The following PLAC1 variants were observed in gnomAD, a reference collection of about 807,000 sequenced individuals.
PLAC1 encodes the protein placenta associated 1, also known as placenta-specific protein 1.
For missense variants in PLAC1, 136 were observed against 163.2 expected (o/e 0.83, Z 0.91); for synonymous variants, 68 against 62.1 (o/e 1.09, Z -0.44).
At chrX:134,656,144 G>A (rs905411880) in intron 1 of PLAC1, among the ~76,000 whole-genome samples, 1 of 111,747 alleles carries the variant, frequency 8.9e-6, no homozygotes, top group Non-Finnish European at 1.9e-5. Context: ...CCTTTTCTAC[G>A]TCACTCCTAT....
Position 134,622,107 on chromosome X carries a change from C to T in PLAC1, c.-130-19985G>A, listed in dbSNP as rs191678470. 1.4e-3 allele frequency among the ~76,000 whole-genome samples: 160 copies of T among 112,189 alleles called. 1 individual carries two copies. Among genetic ancestry groups the T allele is most frequent in the African/African-American group, 4.9e-3 (150 of 30,862 alleles). ...CTCCAGTCAGGGAAGGCATCTGCTC[C>T]GCTTGGCTTTGGGCTGTATCAGTTG... On this transcript the variant is annotated intron_variant, in intron 1 of 2. Coordinates refer to ENST00000359237, the MANE Select transcript of PLAC1 (RefSeq NM_021796.4).
chrX:134,592,973 C>T (rs971015626), intron 2 of PLAC1, among the ~76,000 whole-genome samples: 31 of 110,426 alleles, frequency 2.8e-4, no homozygotes, highest in Non-Finnish European at 4.7e-4. Flanking sequence ...GTGATCCGCC[C>T]GCCTCAGCCT....
intron 1 of PLAC1, among the ~76,000 whole-genome samples, chrX:134,752,900 G>A (rs749838548): frequency 4.5e-5 from 5 of 111,617 alleles, no homozygotes; most frequent in African/African-American, 6.5e-5. Context: ...GGGCATTCAT[G>A]TATATATGAG....
At chrX:134,669,464 A>T (rs1313882823) in intron 2 of PLAC1, among the ~76,000 whole-genome samples, 2 of 112,285 alleles carry the variant, frequency 1.8e-5, no homozygotes, top group Non-Finnish European at 3.8e-5. Flanking sequence ...TAAGCTGGAG[A>T]TGGGTGTGAG....
At chrX:134,651,318 A>C (rs1449722894) in intron 1 of PLAC1, 1 of 188,609 alleles carries the variant, frequency 5.3e-6, no homozygotes, top group Non-Finnish European at 1.0e-5. Flanking sequence ...GCACAGCAGA[A>C]CAATGTGGCA....
intron 1 of PLAC1, among the ~76,000 whole-genome samples, chrX:134,608,241 A>T (rs1405901424): frequency 8.9e-6 from 1 of 112,089 alleles, no homozygotes; most frequent in Admixed American, 9.5e-5. Context: ...AATGTTTAGC[A>T]GCACTATTGA....
chrX:134,569,937 T>G (rs780833844), intron 2 of PLAC1, among the ~76,000 whole-genome samples: 1 of 110,750 alleles, frequency 9.0e-6, no homozygotes, highest in African/African-American at 3.3e-5. Context: ...GCGATTCTTC[T>G]GCCTCAGCCT....
chrX:134,597,731 G>A (rs1471841378), intron 2 of PLAC1, among the ~76,000 whole-genome samples: 2 of 111,957 alleles, frequency 1.8e-5, no homozygotes, highest in African/African-American at 6.5e-5. Flanking sequence ...TTGGAGGTGA[G>A]GGTTGCAGTT....
intron 1 of PLAC1, among the ~76,000 whole-genome samples, chrX:134,633,142 T>C (rs761052265): frequency 6.3e-5 from 7 of 111,654 alleles, no homozygotes; most frequent in African/African-American, 2.3e-4. Context: ...CCCCGTCTTG[T>C]CTCCCCCTAG....
chrX:134,578,515 C>CTTTT (rs766626696), intron 2 of PLAC1, among the ~76,000 whole-genome samples: 23 of 55,950 alleles, frequency 4.1e-4, no homozygotes, highest in East Asian at 1.5e-3. Flanking sequence ...TTCTTTCTTT[C>CTTTT]TTTTTTTTTT....
intron 1 of PLAC1, among the ~76,000 whole-genome samples, chrX:134,758,297 AC>A (rs1472913258): frequency 4.5e-5 from 5 of 111,744 alleles, no homozygotes; most frequent in African/African-American, 1.6e-4. Flanking sequence ...ATTAGAAAAA[AC>A]AATCCTAAAA....
chrX:134,604,974 G>A lies in PLAC1; in HGVS notation c.-130-2852C>T, dbSNP rs193037225. 3.6e-5 allele frequency among the ~76,000 whole-genome samples: 4 copies of A among 111,400 alleles called. No homozygotes were observed. In the Admixed American group the frequency reaches 3.8e-4, roughly 11 times the overall value. Reference sequence around the variant, plus strand: ...CTGATAGTCAGAGCAGGCATTTTCAGGCAGCACCCCCACCCCTGCACCCCC... The same window carrying A: ...CTGATAGTCAGAGCAGGCATTTTCAAGCAGCACCCCCACCCCTGCACCCCC... On this transcript the variant is annotated intron_variant, in intron 1 of 2. Transcript: ENST00000359237.
intron 1 of PLAC1, among the ~76,000 whole-genome samples, chrX:134,629,098 T>C (rs142653095): frequency 0.013 from 1,429 of 111,896 alleles, 23 homozygotes; most frequent in African/African-American, 0.044. Flanking sequence ...ACAGCTTCAA[T>C]TTCCAAGTCC....
At chrX:134,673,500 G>A (rs773453415) in intron 2 of PLAC1, among the ~76,000 whole-genome samples, 2 of 110,610 alleles carry the variant, frequency 1.8e-5, no homozygotes, top group Non-Finnish European at 3.8e-5. Context: ...TCATGTGAAA[G>A]TCTCATCATA....
intron 1 of PLAC1, among the ~76,000 whole-genome samples, chrX:134,752,057 A>G (rs943857025): frequency 1.8e-5 from 2 of 111,765 alleles, no homozygotes; most frequent in East Asian, 5.6e-4. Context: ...TTGTGAGGAG[A>G]TTTCTGGGCT....
intron 2 of PLAC1, among the ~76,000 whole-genome samples, chrX:134,665,430 T>C (rs930935528): frequency 8.9e-6 from 1 of 112,025 alleles, no homozygotes; most frequent in Non-Finnish European, 1.9e-5. Flanking sequence ...ACAATGTATT[T>C]ATCCATTCTT....
intron 1 of PLAC1, chrX:134,605,432 C>G (rs189393110): frequency 2.4e-4 from 27 of 112,216 alleles, no homozygotes; most frequent in African/African-American, 8.7e-4. Flanking sequence ...AATAAGATTC[C>G]CATTTTTATT....
At chrX:134,731,794 C>T (rs1016814175) in intron 2 of PLAC1, among the ~76,000 whole-genome samples, 1 of 111,850 alleles carries the variant, frequency 8.9e-6, no homozygotes, top group African/African-American at 3.3e-5. Context: ...ACTATGAGTT[C>T]TTATCCCAGC....
At chrX:134,731,014 C>T (rs1294209254) in intron 2 of PLAC1, among the ~76,000 whole-genome samples, 1 of 111,552 alleles carries the variant, frequency 9.0e-6, no homozygotes, top group Non-Finnish European at 1.9e-5. Flanking sequence ...GTGCCCATAC[C>T]TGTATCATCC....
Sources: allele counts gnomAD v4.1 joint callset (sites outside exome capture counted in the v4.1 genomes callset), GRCh38; gene constraint gnomAD v4.1.1; transcripts MANE v1.5; gene names NCBI Gene and HGNC (gene_info 2026-07-23, HGNC 2026-07-21).